WWP2: variants seen among roughly 807,000 people sequenced by gnomAD.
WWP2 encodes the protein WW domain containing E3 ubiquitin protein ligase 2.
WWP2 carries 57 observed loss-of-function variants against 121.0 expected under a neutral mutation model. The observed-to-expected ratio is 0.47, with a 90% CI of 0.38 to 0.59. The LOEUF (loss-of-function observed/expected upper bound fraction) is 0.59, where lower values mean the gene tolerates loss of function less well. Among genes scored for constraint, WWP2 ranks in the 20% least tolerant of loss-of-function variants. WWP2 has a pLI of 0.00. For missense variants in WWP2, 962 were observed against 1,158.9 expected (o/e 0.83, Z 2.47); for synonymous variants, 449 against 441.3 (o/e 1.02, Z -0.22).
At chr16:69,815,513 G>A (rs893189009) in intron 4 of WWP2, among the ~76,000 whole-genome samples, 10 of 151,888 alleles carry the variant, frequency 6.6e-5, no homozygotes, top group African/African-American at 2.2e-4. Flanking sequence ...GAGGGGCAGG[G>A]GCTGGGCACG....
intron 6 of WWP2, among the ~76,000 whole-genome samples, chr16:69,858,975 A>G (rs2057368762): frequency 6.6e-6 from 1 of 152,228 alleles, no homozygotes; most frequent in Admixed American, 6.5e-5. Flanking sequence ...TAGACCAGCA[A>G]GAACTGGGTC....
chr16:69,889,615 A>G (rs893364362), intron 8 of WWP2, among the ~76,000 whole-genome samples: 1 of 152,184 alleles, frequency 6.6e-6, no homozygotes, highest in African/African-American at 2.4e-5. Context: ...TACACCTGGT[A>G]AGTGATATTT....
Position 69,801,301 on chromosome 16 carries a change from G to A in WWP2, c.340+2006G>A, listed in dbSNP as rs142922639. ...GGCTGGAGTGCAGTGGTGCAATCTC[G>A]GCTCACCGTAGCCTCTGCTCCTGGG... On this transcript the variant is annotated intron_variant, in intron 4 of 23. Transcript: ENST00000359154. Among the ~76,000 whole-genome samples, 407 of 150,436 alleles carry A rather than the reference G, an allele frequency of 2.7e-3. 3 individuals are homozygous for A. The highest frequency in any genetic ancestry group is 0.01 in the Middle Eastern group (3 of 292).
At chr16:69,889,710 G>A (rs919800691) in intron 8 of WWP2, among the ~76,000 whole-genome samples, 6 of 152,158 alleles carry the variant, frequency 3.9e-5, no homozygotes, top group Non-Finnish European at 5.9e-5. Context: ...TCTGATCATG[G>A]TTGGGGCCAG....
chr16:69,833,598 A>T (rs2056828035), intron 4 of WWP2, among the ~76,000 whole-genome samples: 2 of 152,230 alleles, frequency 1.3e-5, no homozygotes, highest in African/African-American at 4.8e-5. Flanking sequence ...GTAGCATTAG[A>T]AGGTATTGGT....
chr16:69,764,874 T>C (rs1483332457), intron 1 of WWP2, among the ~76,000 whole-genome samples: 2 of 152,238 alleles, frequency 1.3e-5, no homozygotes, highest in Non-Finnish European at 2.9e-5. Context: ...ACATGTATGA[T>C]AACATTTTGG....
intron 7 of WWP2, among the ~76,000 whole-genome samples, chr16:69,879,392 G>A (rs965680107): frequency 7.3e-5 from 11 of 150,052 alleles, no homozygotes; most frequent in Admixed American, 1.3e-4. Flanking sequence ...CAACCTGACC[G>A]GCCCCCGCCC....
At chr16:69,877,519 A>AC (rs2057754898) in intron 7 of WWP2, among the ~76,000 whole-genome samples, 3 of 152,312 alleles carry the variant, frequency 2.0e-5, no homozygotes, top group African/African-American at 7.2e-5. Flanking sequence ...TCAAGTGTTC[A>AC]TCAGAGTAGC....
At position 69,931,860 on chromosome 16, in the gene WWP2, A is replaced by AG; in HGVS notation, c.1654dup (p.Glu552GlyfsTer19). The AG allele has an allele frequency of 6.2e-7, 1 of 1,613,720 alleles. No individual in the cohort carries two copies. Among genetic ancestry groups the AG allele is most frequent in the South Asian group, 1.1e-5 (1 of 91,076 alleles). ...CGGCTCTACATCATCATGCGTGGCG[A>AG]GGAGGGCCTGGACTATGGGGGCATC... On this transcript the variant is annotated frameshift_variant, in exon 16 of 24. Coordinates refer to ENST00000359154, the MANE Select transcript of WWP2 (RefSeq NM_001270454.2). LOFTEE classifies it high-confidence loss of function.
chr16:69,836,415 CTCTA>C (rs890369778), intron 4 of WWP2, among the ~76,000 whole-genome samples: 1 of 151,808 alleles, frequency 6.6e-6, no homozygotes, highest in African/African-American at 2.4e-5. Flanking sequence ...TTTAATGTTT[CTCTA>C]TCCCCCTCTT....
At chr16:69,777,508 C>T (rs545178740) in intron 1 of WWP2, among the ~76,000 whole-genome samples, 5 of 151,684 alleles carry the variant, frequency 3.3e-5, no homozygotes, top group South Asian at 2.1e-4. Flanking sequence ...ACCCTGTTGG[C>T]GAGGCTGGTC....
intron 9 of WWP2, among the ~76,000 whole-genome samples, chr16:69,910,795 A>G (rs1453610001): frequency 6.6e-6 from 1 of 152,172 alleles, no homozygotes; most frequent in Non-Finnish European, 1.5e-5. Context: ...AAGTAAAGAT[A>G]TTCAGTGGTA....
intron 10 of WWP2, among the ~76,000 whole-genome samples, chr16:69,924,367 G>A (rs965852607): frequency 6.6e-6 from 1 of 152,100 alleles, no homozygotes; most frequent in Non-Finnish European, 1.5e-5. Context: ...CCTGAAGTCC[G>A]CATTTAGAAC....
At chr16:69,817,744 G>T (rs1211178565) in intron 4 of WWP2, among the ~76,000 whole-genome samples, 3 of 134,882 alleles carry the variant, frequency 2.2e-5, no homozygotes, top group African/African-American at 8.5e-5. Context: ...TTGCAGCCTT[G>T]ACCTCCCAGG....
intron 1 of WWP2, among the ~76,000 whole-genome samples, chr16:69,770,819 C>T (rs1162655415): frequency 6.6e-6 from 1 of 151,916 alleles, no homozygotes; most frequent in Non-Finnish European, 1.5e-5. Context: ...ATGTGGGGCT[C>T]CCACACATCT....
At chr16:69,931,604 A>G (rs1395679232) in intron 15 of WWP2, 24 bp downstream of exon 15, 24 of 1,613,664 alleles carry the variant, frequency 1.5e-5, no homozygotes, top group East Asian at 2.2e-5. Context: ...GCCCGAAACC[A>G]GTGGCAGGCC....
Position 69,931,598 on chromosome 16 carries a change from G to C in WWP2, c.1593+18G>C. The C allele has an allele frequency of 1.2e-6, 2 of 1,613,796 alleles. No individual in the cohort carries two copies. Among genetic ancestry groups the C allele is most frequent in the Non-Finnish European group, 1.7e-6 (2 of 1,179,974 alleles). Reference sequence around the variant, plus strand: ...TCCAACAGGTTAGATCATGGTGCCCGAAACCAGTGGCAGGCCGACGCCCTC... The same window carrying C: ...TCCAACAGGTTAGATCATGGTGCCCCAAACCAGTGGCAGGCCGACGCCCTC... On this transcript the variant is annotated intron_variant, in intron 15 of 23. Coordinates refer to ENST00000359154, the MANE Select transcript of WWP2 (RefSeq NM_001270454.2).
chr16:69,925,231 T>A lies in WWP2; in HGVS notation c.1180-199T>A. 1 of 1,440,484 alleles carries A rather than the reference T, an allele frequency of 6.9e-7. No individual in the cohort carries two copies. Among genetic ancestry groups the A allele is most frequent in the Non-Finnish European group, 9.1e-7 (1 of 1,098,558 alleles). 89.2% of individuals were successfully genotyped at this position (1,440,484 alleles called of 1,614,324 possible). On this transcript the variant is annotated intron_variant, in intron 10 of 23. Transcript: ENST00000359154. The surrounding 1 kb of genome is among the most constrained non-coding windows in gnomAD (Gnocchi z 4.0). ...GGCCCTCCGTGCGCAGGGTTCTTTT[T>A]TGGTTTTTCTGTAAAAATCAAAACA... is the stretch of plus-strand genomic sequence containing the variant.
intron 8 of WWP2, among the ~76,000 whole-genome samples, chr16:69,906,265 G>A (rs1474048007): frequency 6.6e-6 from 1 of 151,888 alleles, no homozygotes; most frequent in Non-Finnish European, 1.5e-5. Flanking sequence ...GTAGAGACAG[G>A]GTTTTACTGT....
Sources: allele counts gnomAD v4.1 joint callset (sites outside exome capture counted in the v4.1 genomes callset), GRCh38; gene constraint gnomAD v4.1.1; non-coding constraint Gnocchi (gnomAD v3.1); transcripts MANE v1.5; gene names NCBI Gene and HGNC (gene_info 2026-07-23, HGNC 2026-07-21).